PRDM16: variants seen among roughly 807,000 people sequenced by gnomAD.
The protein encoded by PRDM16 is PR/SET domain 16, also known as histone-lysine N-methyltransferase PRDM16.
In PRDM16, 23 loss-of-function variants were observed where a neutral mutation model predicts 110.6. That is an observed-to-expected ratio of 0.21 (90% CI 0.15 to 0.29). The LOEUF (loss-of-function observed/expected upper bound fraction) is 0.29, where lower values mean the gene tolerates loss of function less well. Ranked by LOEUF, PRDM16 falls within the 10% of genes least tolerant of loss-of-function variation. PRDM16 has a pLI of 1.00. For missense variants in PRDM16, 1,615 were observed against 1,794.3 expected, an observed-to-expected ratio of 0.90 and a Z score of 1.81; for synonymous variants, 799 against 781.8, an observed-to-expected ratio of 1.02 and a Z score of -0.37.
Position 3,310,553 on chromosome 1 carries a change from G to T in PRDM16, c.438+66416G>T, listed in dbSNP as rs77034722. ...GGAGGTTGGGCTCCCCAGGGACACAGCATCCGTGCCTGGGGAGAGAATGTT... is the reference window on the plus strand; with the variant it reads ...GGAGGTTGGGCTCCCCAGGGACACATCATCCGTGCCTGGGGAGAGAATGTT... On this transcript the variant is annotated intron_variant, in intron 3 of 16. Transcript: ENST00000270722. Among the ~76,000 whole-genome samples, 1,182 of 152,216 alleles carry T rather than the reference G, an allele frequency of 7.8e-3. 16 individuals are homozygous for T. Among genetic ancestry groups the T allele is most frequent in the African/African-American group, 0.027 (1,121 of 41,542 alleles).
chr1:3,269,804 G>GTTGGGAGGACAGTCAGGAGGAGCATAA (rs1640392503), intron 3 of PRDM16, among the ~76,000 whole-genome samples: 2 of 150,232 alleles, frequency 1.3e-5, no homozygotes, highest in Non-Finnish European at 3.0e-5. Context: ...GAGGAGGACA[G>GTTGGGAGGACAGTCAGGAGGAGCATAA]TCCCAGAGAA....
At chr1:3,224,275 A>G (rs958157010) in intron 2 of PRDM16, among the ~76,000 whole-genome samples, 15 of 152,212 alleles carry the variant, frequency 9.9e-5, no homozygotes, top group Non-Finnish European at 2.2e-4. Context: ...CAAATTCATA[A>G]TTGAACTCCA....
chr1:3,187,439 C>T (rs1644283869), intron 2 of PRDM16, among the ~76,000 whole-genome samples: 1 of 152,164 alleles, frequency 6.6e-6, no homozygotes, highest in Admixed American at 6.5e-5. Context: ...CGGGTGGGGG[C>T]AGGGTCCTGT....
intron 8 of PRDM16, among the ~76,000 whole-genome samples, chr1:3,407,846 A>G (rs1038264583): frequency 1.3e-5 from 2 of 151,994 alleles, no homozygotes; most frequent in Non-Finnish European, 2.9e-5. Flanking sequence ...CGCCTCGGCG[A>G]CTCTTGCGCT....
chr1:3,186,044 C>T (rs1644263082), intron 1 of PRDM16, 81 bp from the exon 2 acceptor site: 1 of 1,246,124 alleles, frequency 8.0e-7, no homozygotes, highest in Non-Finnish European at 1.2e-6. Flanking sequence ...CCATTGATGC[C>T]CGAGTCCCCG....
At chr1:3,374,619 T>C (rs1316626123) in intron 3 of PRDM16, among the ~76,000 whole-genome samples, 1 of 152,146 alleles carries the variant, frequency 6.6e-6, no homozygotes, top group Non-Finnish European at 1.5e-5. Context: ...GGGGCCGCTG[T>C]GCACATCTGA....
At chr1:3,156,219 A>G in intron 1 of PRDM16, among the ~76,000 whole-genome samples, 1 of 152,172 alleles carries the variant, frequency 6.6e-6, no homozygotes, top group East Asian at 1.9e-4. Context: ...GCTCTGAGCA[A>G]CAGATGGGGC....
At chr1:3,345,652 C>T (rs1009823706) in intron 3 of PRDM16, among the ~76,000 whole-genome samples, 5 of 152,252 alleles carry the variant, frequency 3.3e-5, no homozygotes, top group Non-Finnish European at 7.3e-5. Flanking sequence ...AAATGTGTCA[C>T]CGGGATGCAG....
chr1:3,146,671 T>TG (rs1250828699), intron 1 of PRDM16, among the ~76,000 whole-genome samples: 2 of 126,088 alleles, frequency 1.6e-5, no homozygotes, highest in Non-Finnish European at 1.6e-5. Flanking sequence ...GTGCTCAGTG[T>TG]GGGGTGTGTG....
At position 3,213,842 on chromosome 1, in the gene PRDM16, G is replaced by A. The variant is rs1405131982; in HGVS notation, c.387+27368G>A. On this transcript the variant is annotated intron_variant, in intron 2 of 16. Coordinates refer to ENST00000270722, the MANE Select transcript of PRDM16 (RefSeq NM_022114.4). This position sits in a 1 kb window ranked among gnomAD's most constrained non-coding sequence, Gnocchi z 5.3. Reference sequence around the variant, plus strand: ...AGGCCAAGCCGGTGCCTTCCCAGGAGGCCTTGCCACCCCCCATTAATCCTG... The same window carrying A: ...AGGCCAAGCCGGTGCCTTCCCAGGAAGCCTTGCCACCCCCCATTAATCCTG... 6.6e-6 allele frequency among the ~76,000 whole-genome samples: 1 copy of A among 152,130 alleles called. No individual in the cohort carries two copies. Among genetic ancestry groups the A allele is most frequent in the Non-Finnish European group, 1.5e-5 (1 of 68,022 alleles).
chr1:3,074,811 C>A (rs926732689), intron 1 of PRDM16, among the ~76,000 whole-genome samples: 1 of 152,216 alleles, frequency 6.6e-6, no homozygotes, highest in African/African-American at 2.4e-5. Context: ...CTCCACCCAC[C>A]GCCCAGCAGT....
chr1:3,144,943 C>T (rs1386118480), intron 1 of PRDM16, among the ~76,000 whole-genome samples: 1 of 152,196 alleles, frequency 6.6e-6, no homozygotes, highest in Non-Finnish European at 1.5e-5. Flanking sequence ...AGTGAACCCC[C>T]AGGGCCTCAG....
At chr1:3,263,304 C>G (rs1640212034) in intron 3 of PRDM16, among the ~76,000 whole-genome samples, 1 of 152,186 alleles carries the variant, frequency 6.6e-6, no homozygotes, top group Admixed American at 6.5e-5. Context: ...AAGGCCTCAC[C>G]CCCAGGTGCA....
At chr1:3,199,621 C>T (rs1016272097) in intron 2 of PRDM16, among the ~76,000 whole-genome samples, 8 of 152,176 alleles carry the variant, frequency 5.3e-5, no homozygotes, top group African/African-American at 1.2e-4. Context: ...CTGGAGCTGC[C>T]GGGCCCCCTC....
intron 1 of PRDM16, among the ~76,000 whole-genome samples, chr1:3,174,403 A>G (rs183574423): frequency 5.9e-4 from 90 of 152,188 alleles, no homozygotes; most frequent in African/African-American, 2.0e-3. Context: ...ACATCATTCA[A>G]CTGGTTACAG....
At chr1:3,269,957 AGTCAGAAG>A (rs1640398729) in intron 3 of PRDM16, among the ~76,000 whole-genome samples, 1 of 145,816 alleles carries the variant, frequency 6.9e-6, no homozygotes, top group East Asian at 3.0e-4. Context: ...GGAGGAGGAC[AGTCAGAAG>A]GAGGACAGTT....
intron 3 of PRDM16, among the ~76,000 whole-genome samples, chr1:3,276,567 C>G (rs1050011206): frequency 6.6e-6 from 1 of 151,462 alleles, no homozygotes; most frequent in Non-Finnish European, 1.5e-5. Context: ...TGTCTGACCC[C>G]GAGCTGTCCC....
At chr1:3,117,068 G>A (rs1642978973) in intron 1 of PRDM16, among the ~76,000 whole-genome samples, 1 of 152,250 alleles carries the variant, frequency 6.6e-6, no homozygotes, top group African/African-American at 2.4e-5. Flanking sequence ...CACGGGAAGG[G>A]CTAGAGCAAG....
intron 1 of PRDM16, among the ~76,000 whole-genome samples, chr1:3,090,190 A>G (rs941436104): frequency 6.6e-6 from 1 of 152,192 alleles, no homozygotes; most frequent in Admixed American, 6.5e-5. Context: ...TGCACCCCGA[A>G]CGCCACCACG....
Sources: allele counts gnomAD v4.1 joint callset (sites outside exome capture counted in the v4.1 genomes callset), GRCh38; gene constraint gnomAD v4.1.1; non-coding constraint Gnocchi (gnomAD v3.1); transcripts MANE v1.5; gene names NCBI Gene and HGNC (gene_info 2026-07-23, HGNC 2026-07-21).